The following DLGAP2 variants were observed in gnomAD, a reference collection of about 807,000 sequenced individuals.
DLGAP2 encodes the protein disks large-associated protein 2.
In DLGAP2, 26 loss-of-function variants were observed where a neutral mutation model predicts 100.3. That is an observed-to-expected ratio of 0.26 (90% CI 0.19 to 0.36). The LOEUF (loss-of-function observed/expected upper bound fraction) is 0.36, where lower values mean the gene tolerates loss of function less well. DLGAP2 is among the 10% of genes least tolerant of loss of function. The pLI is 1.00. For missense variants in DLGAP2, 1,858 were observed against 1,453.2 expected (o/e 1.28, Z -4.53); for synonymous variants, 886 against 630.1 (o/e 1.41, Z -6.08).
chr8:1,310,193 C>T (rs2117013559), intron 3 of DLGAP2, among the ~76,000 whole-genome samples: 1 of 150,952 alleles, frequency 6.6e-6, no homozygotes, highest in East Asian at 1.9e-4. Context: ...ATATACGCAA[C>T]AGGAAATAAA....
chr8:1,533,710 A>C (rs1230910493), intron 4 of DLGAP2, among the ~76,000 whole-genome samples: 1 of 152,178 alleles, frequency 6.6e-6, no homozygotes, highest in African/African-American at 2.4e-5. Context: ...TAAAACTTCA[A>C]GTTGATAAAC....
At chr8:1,478,375 A>G (rs184366363) in intron 3 of DLGAP2, among the ~76,000 whole-genome samples, 64 of 152,314 alleles carry the variant, frequency 4.2e-4, no homozygotes, top group Non-Finnish European at 1.5e-4. Context: ...GTGTGTAGAC[A>G]TAGCATATTT....
At chr8:1,534,820 TGC>T (rs1461301026) in intron 4 of DLGAP2, among the ~76,000 whole-genome samples, 2 of 152,242 alleles carry the variant, frequency 1.3e-5, no homozygotes, top group Non-Finnish European at 2.9e-5. Context: ...GTGATGTGTG[TGC>T]GTGTGCGCAC....
chr8:1,267,204 C>T (rs1356475003), intron 3 of DLGAP2, among the ~76,000 whole-genome samples: 1 of 150,694 alleles, frequency 6.6e-6, no homozygotes, highest in Non-Finnish European at 1.5e-5. Context: ...TGCACTCCAG[C>T]CTGGGCAACA....
intron 5 of DLGAP2, among the ~76,000 whole-genome samples, chr8:1,554,339 A>G (rs929422526): frequency 6.6e-6 from 1 of 152,204 alleles, no homozygotes; most frequent in African/African-American, 2.4e-5. Flanking sequence ...ATGGTTTGTC[A>G]TGGAATGCAC....
Position 874,286 on chromosome 8 carries a change from G to C in DLGAP2, c.19-33626G>C, listed in dbSNP as rs567576209. On this transcript the variant is annotated intron_variant, in intron 1 of 14. Transcript: ENST00000637795. ...CTTCTTTTTCCAGTATCTTAAAGTG[G>C]AAGTTTAGCTTCTTCATTTGAGGTC... Among the ~76,000 whole-genome samples the C allele has an allele frequency of 1.1e-4, 17 of 151,836 alleles. No individual in the cohort carries two copies. The South Asian group carries it at 3.5e-3, about 32-fold the overall frequency.
intron 3 of DLGAP2, among the ~76,000 whole-genome samples, chr8:1,334,599 C>G (rs980246642): frequency 1.3e-5 from 2 of 152,048 alleles, no homozygotes; most frequent in Non-Finnish European, 2.9e-5. Flanking sequence ...CTCGACCCCC[C>G]CAGTGGAGAC....
At chr8:1,331,364 A>T (rs1223546767) in intron 3 of DLGAP2, among the ~76,000 whole-genome samples, 1 of 152,134 alleles carries the variant, frequency 6.6e-6, no homozygotes, top group Non-Finnish European at 1.5e-5. Flanking sequence ...AGGGTGGGCT[A>T]GTGGGCAGGT....
chr8:1,337,244 ATGGTGATGATGG>A (rs1339335237), intron 3 of DLGAP2, among the ~76,000 whole-genome samples: 1 of 148,216 alleles, frequency 6.7e-6, no homozygotes, highest in Non-Finnish European at 1.5e-5. Context: ...GGTGAGAATG[ATGGTGATGATGG>A]TGGTGATGAT....
intron 1 of DLGAP2, among the ~76,000 whole-genome samples, chr8:888,584 A>G (rs1480501652): frequency 7.3e-6 from 1 of 137,734 alleles, no homozygotes; most frequent in Non-Finnish European, 1.6e-5. Flanking sequence ...GTTGTTGTTT[A>G]TGCTGTTGTC....
chr8:982,430 A>G (rs1471888111), intron 2 of DLGAP2, among the ~76,000 whole-genome samples: 2 of 152,222 alleles, frequency 1.3e-5, no homozygotes, highest in African/African-American at 2.4e-5. Flanking sequence ...CTGTTTAGCA[A>G]TCAGTCGATG....
intron 2 of DLGAP2, among the ~76,000 whole-genome samples, chr8:1,209,193 A>C (rs937374856): frequency 1.3e-5 from 2 of 152,238 alleles, no homozygotes; most frequent in African/African-American, 4.8e-5. Flanking sequence ...TGCATAGCCA[A>C]AGCAAGACTA....
At chr8:1,271,218 C>A (rs1398860711) in intron 3 of DLGAP2, among the ~76,000 whole-genome samples, 1 of 152,136 alleles carries the variant, frequency 6.6e-6, no homozygotes, top group African/African-American at 2.4e-5. Flanking sequence ...TAGTGCCAAA[C>A]AGGCCTTGGT....
intron 2 of DLGAP2, among the ~76,000 whole-genome samples, chr8:919,662 G>A (rs376114332): frequency 6.6e-6 from 1 of 152,326 alleles, no homozygotes; most frequent in South Asian, 2.1e-4. Context: ...CCGAGAAGCA[G>A]CAAGTCCCTG....
intron 6 of DLGAP2, among the ~76,000 whole-genome samples, chr8:1,624,413 C>T (rs973424381): frequency 6.6e-6 from 1 of 151,946 alleles, no homozygotes; most frequent in African/African-American, 2.4e-5. Flanking sequence ...TAGCTCGGGG[C>T]TTCGTCCGCT....
intron 2 of DLGAP2, among the ~76,000 whole-genome samples, chr8:1,017,766 G>C (rs982515291): frequency 3.3e-5 from 5 of 151,982 alleles, no homozygotes; most frequent in Non-Finnish European, 7.3e-5. Context: ...CCGTGGGCGG[G>C]TAGACTCGTC....
intron 3 of DLGAP2, among the ~76,000 whole-genome samples, chr8:1,272,031 G>C (rs1799594050): frequency 3.9e-5 from 6 of 152,064 alleles, no homozygotes; most frequent in Non-Finnish European, 8.8e-5. Context: ...GGCCAAGTTG[G>C]TCTCAAACTC....
rs1799430134 is a variant in DLGAP2 at position 1,697,446 on chromosome 8, G to C, written c.2949+147G>C. 5.0e-6 allele frequency: 6 copies of C among 1,189,756 alleles called. No individual in the cohort carries two copies. The South Asian group carries it at 7.7e-5, about 15-fold the overall frequency. The allele number at this position is 1,189,756 out of a possible 1,614,324, so 73.7% of individuals were successfully genotyped here. A position where few individuals can be genotyped will look rare whatever the true frequency, so the allele number is the denominator to read the frequency against. Reference sequence around the variant, plus strand: ...TTTCCCTCTATGTATGTGTGCACATGTGTATACGCACATGTGTGTGCGTGT... The same window carrying C: ...TTTCCCTCTATGTATGTGTGCACATCTGTATACGCACATGTGTGTGCGTGT... On this transcript the variant is annotated intron_variant, in intron 14 of 14. Coordinates refer to ENST00000637795, the MANE Select transcript of DLGAP2 (RefSeq NM_001346810.2).
At chr8:808,367 C>T (rs1796307970) in intron 1 of DLGAP2, among the ~76,000 whole-genome samples, 2 of 152,016 alleles carry the variant, frequency 1.3e-5, no homozygotes, top group Admixed American at 6.6e-5. Context: ...GGTGTGGGGC[C>T]CTTATTTCCT....
Sources: gnomAD v4.1 joint callset for allele counts (sites outside exome capture counted in the v4.1 genomes callset) on GRCh38, gnomAD v4.1.1 for gene constraint, MANE v1.5 for transcripts, NCBI Gene and HGNC (gene_info 2026-07-23, HGNC 2026-07-21) for gene names.